CTNS: variants seen among roughly 807,000 people sequenced by gnomAD.
The protein encoded by CTNS is cystinosin, lysosomal cystine transporter.
In CTNS, 27 loss-of-function variants were observed where a neutral mutation model predicts 43.7. That is an observed-to-expected ratio of 0.62 (90% confidence interval 0.46 to 0.85). The LOEUF is 0.85. Ranked by LOEUF, CTNS falls within the 40% of genes least tolerant of loss-of-function variation. The pLI, the probability that CTNS is intolerant of heterozygous loss-of-function variation, is 0.00. For missense variants in CTNS, 457 were observed against 475.4 expected (o/e 0.96, Z 0.36); for synonymous variants, 187 against 190.6 (o/e 0.98, Z 0.16).
chr17:3,658,382 C>T (rs574031298), intron 10 of CTNS, among the ~76,000 whole-genome samples: 8 of 152,306 alleles, frequency 5.3e-5, no homozygotes, highest in Admixed American at 2.0e-4. Flanking sequence ...AGATCGCTAG[C>T]GGAGGCCCCT....
chr17:3,654,971 C>A (rs201615488), intron 5 of CTNS, 27 bp from the exon 6 acceptor site: 21 of 1,537,382 alleles, frequency 1.4e-5, no homozygotes, highest in Non-Finnish European at 1.9e-5. Context: ...TACGTGGCAT[C>A]GGATTGAACC....
chr17:3,655,008 C>G lies in CTNS; in HGVS notation c.236C>G (p.Pro79Arg). Residue 79 changes from proline to arginine, a missense_variant, in exon 6 of 12, where the codon CCT (proline) becomes CGT (arginine). Coordinates refer to ENST00000046640, the MANE Select transcript of CTNS (RefSeq NM_004937.3). ...CAGTCTTCCTAACAGGTTGTGGTGCCTCCTGGAGTGACAAACTCCTCTTTT... is the reference window on the plus strand; with the variant it reads ...CAGTCTTCCTAACAGGTTGTGGTGCGTCCTGGAGTGACAAACTCCTCTTTT... ...ILELPDEVVV[P>R]PGVTNSSFQV... 6.2e-7 allele frequency: 1 copy of G among 1,613,288 alleles called. No homozygotes were observed. Among genetic ancestry groups the G allele is most frequent in the African/African-American group, 1.3e-5 (1 of 75,028 alleles).
upstream of CTNS, chr17:3,636,495 A>C: frequency 2.4e-6 from 1 of 417,752 alleles, no homozygotes; most frequent in Non-Finnish European, 4.3e-6. Context: ...GGGCGGTCTG[A>C]GCTTCGCTCA....
intron 5 of CTNS, among the ~76,000 whole-genome samples, chr17:3,651,235 C>G (rs1388055225): frequency 6.6e-6 from 1 of 151,458 alleles, no homozygotes; most frequent in African/African-American, 2.4e-5. Context: ...GCTGGGATTA[C>G]AGGCACACAC....
intron 5 of CTNS, among the ~76,000 whole-genome samples, chr17:3,650,864 G>A (rs996673775): frequency 3.9e-5 from 6 of 152,114 alleles, no homozygotes; most frequent in African/African-American, 1.4e-4. Flanking sequence ...GTAAAGTGGC[G>A]CAATCTCAGC....
In CTNS at chr17:3,660,267, C is replaced by T. The variant is rs1200539210; in HGVS notation, c.1002C>T (p.Thr334=). Residue 334 remains threonine (T), a synonymous_variant, in exon 12 of 12, where the codon ACC becomes ACT. Coordinates refer to ENST00000046640, the MANE Select transcript of CTNS (RefSeq NM_004937.3). ...GGACGCTGATCTTCGGAGACCCAAC[C>T]AAGTTTGGACTCGGGGTCTTCTCCA... The part of the protein sequence containing the change: ...DQWTLIFGDP[T]KFGLGVFSIV... 6 of 1,614,136 alleles carry T rather than the reference C, an allele frequency of 3.7e-6. No individual in the cohort carries two copies. The highest frequency in any genetic ancestry group is 5.1e-6 in the Non-Finnish European group (6 of 1,180,054).
Position 3,656,777 on chromosome 17 carries a change from G to C in CTNS, c.663G>C (p.Val221=). 1 of 1,613,266 alleles carries C rather than the reference G, an allele frequency of 6.2e-7. No individual in the cohort carries two copies. The highest frequency in any genetic ancestry group is 8.5e-7 in the Non-Finnish European group (1 of 1,179,956). ...HAVVLTLIII[V]QCCLYERGGQ... The stretch of plus-strand genomic sequence containing the variant: ...TTGTCCTCACGCTGATCATCATCGT[G>C]CAGTGCTGCCTGTATGAGGTGAGAC... Residue 221 remains valine (V), a synonymous_variant, in exon 9 of 12, where the codon GTG becomes GTC. Transcript: ENST00000046640.
intron 5 of CTNS, among the ~76,000 whole-genome samples, chr17:3,652,016 C>G (rs2075999273): frequency 6.7e-6 from 1 of 150,344 alleles, no homozygotes; most frequent in Non-Finnish European, 1.5e-5. Context: ...CAATGAGAGT[C>G]AAACCATTGG....
At chr17:3,649,051 T>C in intron 5 of CTNS, 120 bp downstream of exon 5, 2 of 847,902 alleles carry the variant, frequency 2.4e-6, no homozygotes, top group South Asian at 1.4e-5. Context: ...TAGAAATCTG[T>C]GATTTTGGCT....
At chr17:3,641,359 C>CATATATAT (rs1234064483) in intron 3 of CTNS, among the ~76,000 whole-genome samples, 238 of 20,914 alleles carry the variant, frequency 0.011, 17 homozygotes, top group African/African-American at 0.056. Context: ...AAATCAGATA[C>CATATATAT]ATATATATAT....
intron 5 of CTNS, among the ~76,000 whole-genome samples, chr17:3,649,451 CAAAAA>C (rs34213111): frequency 1.1e-5 from 1 of 94,948 alleles, no homozygotes. Flanking sequence ...GACTCCTTCT[CAAAAA>C]AAAAAAAAAA....
intron 3 of CTNS, among the ~76,000 whole-genome samples, chr17:3,642,516 C>G (rs12453633): frequency 6.6e-6 from 1 of 151,814 alleles, no homozygotes; most frequent in East Asian, 1.9e-4. Flanking sequence ...GGTGAAACCC[C>G]GTCTCTACTA....
chr17:3,647,563 G>T lies in CTNS; in HGVS notation c.140+41G>T, dbSNP rs952865762. The T allele has an allele frequency of 1.0e-5, 16 of 1,583,708 alleles. No individual in the cohort carries two copies. The Admixed American group carries it at 2.0e-4, about 20-fold the overall frequency. Reference sequence around the variant, plus strand: ...TGGCGCTGTGCTCAGCTCCGCTCAGGCCCCGCAGCTGGGTCAGGGCTGACC... The same window carrying T: ...TGGCGCTGTGCTCAGCTCCGCTCAGTCCCCGCAGCTGGGTCAGGGCTGACC... On this transcript the variant is annotated intron_variant, in intron 4 of 11. Transcript: ENST00000046640.
At chr17:3,640,319 A>G (rs1464129304) in intron 3 of CTNS, 52 bp downstream of exon 3, 1 of 1,527,022 alleles carries the variant, frequency 6.5e-7, no homozygotes. Flanking sequence ...TGGTGGCTAG[A>G]GGAAGGAGTA....
chr17:3,650,520 C>G, intron 5 of CTNS: 2 of 643,790 alleles, frequency 3.1e-6, no homozygotes, highest in East Asian at 3.5e-5. Flanking sequence ...TTAAAAATAA[C>G]AGCATTGCTG....
intron 10 of CTNS, among the ~76,000 whole-genome samples, chr17:3,659,324 G>T (rs946654490): frequency 6.6e-6 from 1 of 152,178 alleles, no homozygotes; most frequent in African/African-American, 2.4e-5. Context: ...AGGAAGCCCC[G>T]GCCAGGCCTG....
At chr17:3,652,134 G>A (rs1396972501) in intron 5 of CTNS, among the ~76,000 whole-genome samples, 4 of 152,134 alleles carry the variant, frequency 2.6e-5, no homozygotes, top group African/African-American at 7.2e-5. Context: ...GATGCTGGAA[G>A]CCTCTGGTTA....
intron 2 of CTNS, among the ~76,000 whole-genome samples, chr17:3,639,153 G>A (rs1043537887): frequency 2.6e-5 from 4 of 152,108 alleles, no homozygotes; most frequent in Non-Finnish European, 5.9e-5. Context: ...CAGTCTGCAG[G>A]AGGCCCGTGA....
chr17:3,648,849 CA>C lies in CTNS; in HGVS notation c.144del (p.Pro49HisfsTer2). On this transcript the variant is annotated frameshift_variant, in exon 5 of 12. Coordinates refer to ENST00000046640, the MANE Select transcript of CTNS (RefSeq NM_004937.3). LOFTEE classifies it high-confidence loss of function. ...SSTNVSLTLR[P>X]PLNATLVITF... The stretch of plus-strand genomic sequence containing the variant: ...AATTAGACTCTTGTCCTCCACAGGC[CA>C]CCATTAAATGCAACCCTGGTGATCA... 1 of 1,613,284 alleles carries C rather than the reference CA, an allele frequency of 6.2e-7. No individual in the cohort carries two copies. Among genetic ancestry groups the C allele is most frequent in the Non-Finnish European group, 8.5e-7 (1 of 1,179,188 alleles).
Sources: allele counts gnomAD v4.1 joint callset (sites outside exome capture counted in the v4.1 genomes callset), GRCh38; gene constraint gnomAD v4.1.1; transcripts MANE v1.5; gene names NCBI Gene and HGNC (gene_info 2026-07-23, HGNC 2026-07-21).